The following DENND4C variants were observed in gnomAD, a reference collection of about 807,000 sequenced individuals.
DENND4C encodes DENN domain-containing protein 4C.
Under a neutral mutation model 203.0 loss-of-function variants are expected in DENND4C, and 108 were observed. That is an observed-to-expected ratio of 0.53 (90% CI 0.46 to 0.62). The LOEUF (loss-of-function observed/expected upper bound fraction) is 0.62, where lower values mean the gene tolerates loss of function less well. Ranked by LOEUF, DENND4C falls within the 20% of genes least tolerant of loss-of-function variation. The pLI is 0.00. For synonymous variants in DENND4C, 871 were observed against 792.4 expected, an observed-to-expected ratio of 1.10 and a Z score of -1.67; for missense variants, 2,481 against 2,301.2, an observed-to-expected ratio of 1.08 and a Z score of -1.60.
At chr9:19,259,397 A>G (rs1396555160) in intron 1 of DENND4C, among the ~76,000 whole-genome samples, 1 of 152,142 alleles carries the variant, frequency 6.6e-6, no homozygotes, top group Non-Finnish European at 1.5e-5. Flanking sequence ...TACTTAATAT[A>G]ATGACCTCCA....
intron 12 of DENND4C, among the ~76,000 whole-genome samples, chr9:19,319,591 C>G (rs1030352013): frequency 6.6e-6 from 1 of 151,158 alleles, no homozygotes; most frequent in African/African-American, 2.4e-5. Context: ...AGATTAGGCT[C>G]AGATTGTGGG....
intron 22 of DENND4C, 62 bp downstream of exon 22, chr9:19,342,841 C>T (rs752240907): frequency 6.9e-6 from 9 of 1,299,066 alleles, no homozygotes; most frequent in Non-Finnish European, 4.0e-6. Flanking sequence ...TCATATGTGT[C>T]TTTAATGACA....
intron 16 of DENND4C, among the ~76,000 whole-genome samples, chr9:19,331,032 G>T (rs1819008299): frequency 6.6e-6 from 1 of 151,466 alleles, no homozygotes; most frequent in Non-Finnish European, 1.5e-5. Context: ...CTCCAGCCTT[G>T]GCGACAAAAG....
intron 16 of DENND4C, among the ~76,000 whole-genome samples, chr9:19,328,657 G>GTCTATCTA (rs60484849): frequency 0.087 from 10,341 of 119,236 alleles, 427 homozygotes; most frequent in Admixed American, 0.15. Flanking sequence ...CTGTCTGTCT[G>GTCTATCTA]TCTATCTATC....
In DENND4C at chr9:19,243,867, A is replaced by C. The variant is rs79740917; in HGVS notation, c.-18+13034A>C. On this transcript the variant is annotated intron_variant, in intron 1 of 32. Transcript: ENST00000434457. ...AGCTCTGTCACCCAGACTGGAGTAC[A>C]GTGGCACAGTCGTCGCTCACTGCAG... Among the ~76,000 whole-genome samples, 918 of 152,308 alleles carry C rather than the reference A, an allele frequency of 6.0e-3. 11 individuals carry two copies. Among genetic ancestry groups the C allele is most frequent in the African/African-American group, 0.021 (866 of 41,566 alleles).
At chr9:19,259,417 A>C (rs147230176) in intron 1 of DENND4C, among the ~76,000 whole-genome samples, 2 of 151,720 alleles carry the variant, frequency 1.3e-5, no homozygotes, top group Admixed American at 6.6e-5. Context: ...AGTTCTATCT[A>C]TGTTGTTCTA....
intron 9 of DENND4C, among the ~76,000 whole-genome samples, chr9:19,303,617 T>C (rs750215369): frequency 6.6e-6 from 1 of 152,226 alleles, no homozygotes; most frequent in Non-Finnish European, 1.5e-5. Flanking sequence ...AGAACAGTGA[T>C]TGGTACATAG....
chr9:19,323,873 G>C (rs1194247584), intron 12 of DENND4C, among the ~76,000 whole-genome samples: 1 of 152,160 alleles, frequency 6.6e-6, no homozygotes, highest in Non-Finnish European at 1.5e-5. Context: ...AGCTATATAT[G>C]CAGTTACCAC....
chr9:19,332,591 C>T (rs1390246620), intron 17 of DENND4C, among the ~76,000 whole-genome samples: 1 of 149,600 alleles, frequency 6.7e-6, no homozygotes, highest in Non-Finnish European at 1.5e-5. Flanking sequence ...TCTCAAACTC[C>T]TGGCCTCAAG....
chr9:19,311,875 T>A (rs1840803806), intron 10 of DENND4C, among the ~76,000 whole-genome samples: 1 of 152,248 alleles, frequency 6.6e-6, no homozygotes, highest in Admixed American at 6.5e-5. Context: ...GGAGGATATC[T>A]GGCAACATTT....
intron 21 of DENND4C, 113 bp from the exon 22 acceptor site, chr9:19,342,508 GTCTAAAGTAAAA>G (rs1364595846): frequency 8.1e-6 from 8 of 987,136 alleles, no homozygotes; most frequent in Non-Finnish European, 1.1e-5. Flanking sequence ...TTTACTTTGT[GTCTAAAGTAAAA>G]TAGACACACT....
intron 1 of DENND4C, among the ~76,000 whole-genome samples, chr9:19,247,259 T>C (rs535043749): frequency 6.6e-6 from 1 of 152,370 alleles, no homozygotes; most frequent in East Asian, 1.9e-4. Context: ...AACTTTTCTT[T>C]ATCAGTATTC....
chr9:19,236,085 A>C (rs935492700), intron 1 of DENND4C, among the ~76,000 whole-genome samples: 2 of 151,528 alleles, frequency 1.3e-5, no homozygotes, highest in Admixed American at 1.3e-4. Flanking sequence ...TTATCTCTTA[A>C]TTTAGGGATT....
intron 1 of DENND4C, among the ~76,000 whole-genome samples, chr9:19,274,818 C>G (rs1420533125): frequency 1.3e-5 from 2 of 152,242 alleles, no homozygotes; most frequent in East Asian, 3.9e-4. Context: ...TTTTTCTGAT[C>G]TTGGATCTTG....
chr9:19,256,439 C>G (rs192187511), intron 1 of DENND4C, among the ~76,000 whole-genome samples: 1 of 151,444 alleles, frequency 6.6e-6, no homozygotes, highest in African/African-American at 2.4e-5. Context: ...GTCGCAGCCT[C>G]CCGAGTAGCT....
intron 20 of DENND4C, among the ~76,000 whole-genome samples, chr9:19,338,230 T>C (rs1820910487): frequency 6.6e-6 from 1 of 152,308 alleles, no homozygotes; most frequent in South Asian, 2.1e-4. Context: ...ATTTTTTTCA[T>C]GATACTTGTA....
chr9:19,319,750 A>T (rs892656016), intron 12 of DENND4C, among the ~76,000 whole-genome samples: 1 of 152,128 alleles, frequency 6.6e-6, no homozygotes, highest in African/African-American at 2.4e-5. Flanking sequence ...GACATTAGAC[A>T]AGAAAAAAAT....
In DENND4C at chr9:19,286,893, CG is replaced by C; in HGVS notation, c.431del (p.Arg144GlnfsTer14). 1 of 1,232,066 alleles carries C rather than the reference CG, an allele frequency of 8.1e-7. No homozygotes were observed. 76.3% of individuals were successfully genotyped at this position (1,232,066 alleles called of 1,614,324 possible). ...TTCACAAAGAATCTTTATCACTTAT[CG>C]AAGGGCTCCTCCAGTTCGACCCCAG... ...TTSQRIFITY[R>X]RAPPVRPQNS... On this transcript the variant is annotated frameshift_variant, in exon 3 of 33. Transcript: ENST00000434457. LOFTEE classifies it high-confidence loss of function.
intron 12 of DENND4C, among the ~76,000 whole-genome samples, chr9:19,323,076 G>A (rs965715578): frequency 1.3e-5 from 2 of 152,072 alleles, no homozygotes; most frequent in Non-Finnish European, 2.9e-5. Flanking sequence ...AGGCTGAGAT[G>A]GGAGGATCAC....
Sources: allele counts gnomAD v4.1 joint callset (sites outside exome capture counted in the v4.1 genomes callset), GRCh38; gene constraint gnomAD v4.1.1; transcripts MANE v1.5; gene names NCBI Gene and HGNC (gene_info 2026-07-23, HGNC 2026-07-21).